The following DCAF4 variants were observed in gnomAD, a reference collection of about 807,000 sequenced individuals.
DCAF4 encodes DDB1- and CUL4-associated factor 4.
DCAF4 carries 37 observed loss-of-function variants against 60.9 expected under a neutral mutation model. The ratio of observed to expected loss-of-function variants is 0.61; its 90% CI spans 0.47 to 0.80. The LOEUF (loss-of-function observed/expected upper bound fraction) is 0.80. Among genes scored for constraint, DCAF4 ranks in the 30% least tolerant of loss-of-function variants. The pLI is 0.00. For synonymous variants in DCAF4, 243 were observed against 254.8 expected (o/e 0.95, Z 0.44); for missense variants, 577 against 650.0 (o/e 0.89, Z 1.22).
chr14:72,943,147 A>G (rs1313702929), intron 6 of DCAF4, 51 bp downstream of exon 6: 2 of 1,549,784 alleles, frequency 1.3e-6, no homozygotes, highest in Admixed American at 1.7e-5. Context: ...CCCTCTGGAC[A>G]CTTTGTGGCT....
chr14:72,955,836 C>A lies in DCAF4; in HGVS notation c.1179+140C>A. 7 of 759,438 alleles carry A rather than the reference C, an allele frequency of 9.2e-6. No individual in the cohort carries two copies. The South Asian group carries it at 1.1e-4, about 11-fold the overall frequency. 47.0% of individuals were successfully genotyped at this position (759,438 alleles called of 1,614,324 possible). ...CTGAAGACCAAGTGATTTGTAGGCC[C>A]TGCATGGGGACTGCTTCGTTGACCA... On this transcript the variant is annotated intron_variant, in intron 12 of 13. Transcript: ENST00000358377.
chr14:72,943,046 C>G lies in DCAF4; in HGVS notation c.484C>G (p.Arg162Gly). 1.9e-6 allele frequency: 3 copies of G among 1,614,210 alleles called. No individual in the cohort carries two copies. Among genetic ancestry groups the G allele is most frequent in the South Asian group, 2.2e-5 (2 of 91,082 alleles). The change falls in exon 6 of 14, where the codon CGA becomes GGA. Residue 162 changes from arginine to glycine, a missense_variant. Coordinates refer to ENST00000358377, the MANE Select transcript of DCAF4 (RefSeq NM_015604.4). ...CATGGAGAGGAAAAAGGTCCAGATT[C>G]GAAGCATGGATCCCTCCGCCTTGGC... is the stretch of plus-strand genomic sequence containing the variant. Reference protein sequence around the residue: ...SCMERKKVQIRSMDPSALASD... With the variant: ...SCMERKKVQIGSMDPSALASD...
rs758785720 is a variant in DCAF4 at position 72,939,861 on chromosome 14, C to T, written c.152C>T (p.Pro51Leu). The T allele has an allele frequency of 3.7e-6, 6 of 1,612,098 alleles. No homozygotes were observed. Among genetic ancestry groups the T allele is most frequent in the Admixed American group, 1.7e-5 (1 of 59,874 alleles). ...TCCGGCCACGGTGATGACGAGTCTC[C>T]GTCAACCTCGTCTGGCACAGCTGGG... is the stretch of plus-strand genomic sequence containing the variant. ...HDSGHGDDES[P>L]STSSGTAGTS... Residue 51 changes from proline to leucine, a missense_variant, in exon 3 of 14, where the codon CCG becomes CTG. Transcript: ENST00000358377.
intron 1 of DCAF4, among the ~76,000 whole-genome samples, chr14:72,933,558 CAAA>C (rs34401726): frequency 8.5e-5 from 11 of 129,626 alleles, no homozygotes; most frequent in South Asian, 2.5e-4. Context: ...GACTCCATCT[CAAA>C]AAAAAAAAAA....
chr14:72,959,158 TGAA>T lies in DCAF4; in HGVS notation c.*358_*360del. On this transcript the variant is annotated 3_prime_UTR_variant, in exon 14 of 14. Transcript: ENST00000358377. ...AAAGCTTCTTCCTCCAAGAGCCCAT[TGAA>T]GAAGCCCAGTGATGAGACGGTGAGA... 1 of 1,005,784 alleles carries T rather than the reference TGAA, an allele frequency of 9.9e-7. No homozygotes were observed. Among genetic ancestry groups the T allele is most frequent in the Non-Finnish European group, 1.2e-6 (1 of 842,928 alleles). 62.3% of individuals were successfully genotyped at this position (1,005,784 alleles called of 1,614,324 possible). A position where few individuals can be genotyped will look rare whatever the true frequency, so the allele number is the denominator to read the frequency against.
chr14:72,937,930 A>G, intron 1 of DCAF4, 41 bp from the exon 2 acceptor site: 1 of 1,538,164 alleles, frequency 6.5e-7, no homozygotes, highest in Non-Finnish European at 8.7e-7. Flanking sequence ...GCCCATGCCC[A>G]CACACAGAGA....
chr14:72,955,042 C>T (rs1192940529), intron 11 of DCAF4, among the ~76,000 whole-genome samples: 2 of 150,624 alleles, frequency 1.3e-5, no homozygotes, highest in South Asian at 2.1e-4. Context: ...ACCCGGGAGG[C>T]GGAGGTTGCA....
intron 8 of DCAF4, among the ~76,000 whole-genome samples, chr14:72,948,865 C>T (rs893803244): frequency 1.3e-5 from 2 of 152,174 alleles, no homozygotes; most frequent in South Asian, 2.1e-4. Flanking sequence ...TCTTTCTACA[C>T]TTATTGGGCC....
intron 1 of DCAF4, chr14:72,929,521 G>A (rs1888224950): frequency 2.7e-6 from 2 of 729,524 alleles, no homozygotes; most frequent in African/African-American, 1.8e-5. Context: ...GCAACAAAGC[G>A]AGACCCCGTC....
intron 9 of DCAF4, among the ~76,000 whole-genome samples, chr14:72,953,828 G>GTGTGTGTGTGTA (rs1382709706): frequency 2.1e-5 from 2 of 93,706 alleles, no homozygotes; most frequent in African/African-American, 8.8e-5. Flanking sequence ...GTGTGTGTGT[G>GTGTGTGTGTGTA]TATATACACA....
intron 1 of DCAF4, chr14:72,929,505 T>C (rs1309296514): frequency 2.9e-6 from 2 of 680,628 alleles, no homozygotes; most frequent in Non-Finnish European, 5.1e-6. Context: ...GAGACCAGCC[T>C]GGGCGGCAAC....
At chr14:72,927,694 A>C (rs1887808001) in intron 1 of DCAF4, among the ~76,000 whole-genome samples, 1 of 151,960 alleles carries the variant, frequency 6.6e-6, no homozygotes, top group African/African-American at 2.4e-5. Flanking sequence ...GGTCCTACCA[A>C]CAGAGGTGGA....
chr14:72,935,802 C>A (rs1179933895), intron 1 of DCAF4, among the ~76,000 whole-genome samples: 1 of 152,176 alleles, frequency 6.6e-6, no homozygotes, highest in African/African-American at 2.4e-5. Flanking sequence ...CTCACCAGTT[C>A]GTGTGTTCTT....
intron 1 of DCAF4, among the ~76,000 whole-genome samples, 190 bp from the exon 2 acceptor site, chr14:72,937,781 G>A (rs1889487352): frequency 6.6e-6 from 1 of 152,180 alleles, no homozygotes; most frequent in Admixed American, 6.5e-5. Flanking sequence ...CAGGAAGGAA[G>A]TGGGAAGGAT....
At chr14:72,937,171 T>C (rs1423063649) in intron 1 of DCAF4, among the ~76,000 whole-genome samples, 1 of 151,878 alleles carries the variant, frequency 6.6e-6, no homozygotes, top group Non-Finnish European at 1.5e-5. Flanking sequence ...ATGAAAAACC[T>C]GGGCATGTTT....
chr14:72,955,385 C>A, intron 11 of DCAF4, 138 bp from the exon 12 acceptor site: 2 of 1,053,584 alleles, frequency 1.9e-6, no homozygotes, highest in East Asian at 2.4e-5. Context: ...CATTGAGACC[C>A]AAACCCTGAC....
At chr14:72,935,915 A>T (rs1437086930) in intron 1 of DCAF4, among the ~76,000 whole-genome samples, 1 of 152,196 alleles carries the variant, frequency 6.6e-6, no homozygotes, top group Non-Finnish European at 1.5e-5. Context: ...AGTTGGTAAT[A>T]ATAATAATCT....
chr14:72,942,661 G>T, intron 5 of DCAF4: 1 of 234,458 alleles, frequency 4.3e-6, no homozygotes, highest in Non-Finnish European at 8.3e-6. Flanking sequence ...CAGCAGCGGA[G>T]TGCCCTCCAG....
intron 1 of DCAF4, among the ~76,000 whole-genome samples, chr14:72,933,014 T>C (rs1355552969): frequency 2.6e-5 from 4 of 152,202 alleles, no homozygotes; most frequent in Admixed American, 6.5e-5. Flanking sequence ...GCTGGGATTA[T>C]AGGCATCAGC....
Sources: gnomAD v4.1 joint callset for allele counts (sites outside exome capture counted in the v4.1 genomes callset) on GRCh38, gnomAD v4.1.1 for gene constraint, MANE v1.5 for transcripts, NCBI Gene and HGNC (gene_info 2026-07-23, HGNC 2026-07-21) for gene names.